Variants in SAMD3 observed in about 807,000 individuals in gnomAD.
SAMD3 encodes sterile alpha motif domain containing 3.
A neutral mutation model predicts 58.5 loss-of-function variants in SAMD3; 63 were observed. That is an observed-to-expected ratio of 1.08 (90% confidence interval 0.88 to 1.33). The LOEUF (loss-of-function observed/expected upper bound fraction) is 1.33. Among genes scored for constraint, SAMD3 ranks in the 40% most tolerant of loss-of-function variants. The probability of loss-of-function intolerance (pLI) is 0.00; values close to 1 mark genes in which losing one functional copy is unlikely to be tolerated. For missense variants in SAMD3, 604 were observed against 608.4 expected, an observed-to-expected ratio of 0.99 and a Z score of 0.08; for synonymous variants, 220 against 210.3, an observed-to-expected ratio of 1.05 and a Z score of -0.40.
rs2114846569 is a variant in SAMD3 at position 130,214,409 on chromosome 6, T to C, written c.197A>G (p.Asn66Ser). 1 of 1,613,252 alleles carries C rather than the reference T, an allele frequency of 6.2e-7. No individual in the cohort carries two copies. ...TTCTGGGGACTTCAGTCCTTGAGTG[T>C]TCTGCTTGTATTTTTTAATTAAATC... ...LMDLIKKYKQ[N>S]TQGLKSPENP... Residue 66 changes from asparagine to serine, a missense_variant, in exon 4 of 12, where the codon AAC (asparagine) becomes AGC (serine). Coordinates refer to ENST00000439090, the MANE Select transcript of SAMD3 (RefSeq NM_001017373.4).
At chr6:130,327,614 G>A (rs1419560187) in intron 1 of SAMD3, among the ~76,000 whole-genome samples, 1 of 152,126 alleles carries the variant, frequency 6.6e-6, no homozygotes, top group Non-Finnish European at 1.5e-5. Flanking sequence ...GGTCAACTTG[G>A]CATGAAGCCT....
intron 9 of SAMD3, among the ~76,000 whole-genome samples, chr6:130,152,406 G>C (rs1789297984): frequency 1.3e-5 from 2 of 152,168 alleles, no homozygotes; most frequent in Non-Finnish European, 2.9e-5. Context: ...GTCGGGCACG[G>C]TGGCTCACAG....
chr6:130,196,476 C>T (rs1794127728), intron 5 of SAMD3, among the ~76,000 whole-genome samples: 1 of 152,160 alleles, frequency 6.6e-6, no homozygotes. Context: ...TTTCCTTCTT[C>T]CCTGTTTCTC....
intron 2 of SAMD3, among the ~76,000 whole-genome samples, chr6:130,255,162 A>G (rs1251875724): frequency 6.6e-6 from 1 of 152,212 alleles, no homozygotes; most frequent in Non-Finnish European, 1.5e-5. Flanking sequence ...AGAAAATGGT[A>G]CTTTATATGA....
At position 130,294,568 on chromosome 6, in the gene SAMD3, T is replaced by C. The variant is rs140574902; in HGVS notation, c.-188+18410A>G. Among the ~76,000 whole-genome samples the C allele has an allele frequency of 7.7e-3, 1,176 of 152,262 alleles. 15 individuals are homozygous for C. The highest frequency in any genetic ancestry group is 0.023 in the African/African-American group (954 of 41,570). On this transcript the variant is annotated intron_variant, in intron 2 of 13. Coordinates refer to the SAMD3 transcript ENST00000368134. ...CTGAAAAAGATCTTAATCATTAGCA[T>C]GACATATTTATTAATGTTTCTAATT... is the stretch of plus-strand genomic sequence containing the variant.
chr6:130,234,536 A>G (rs1458308987), intron 2 of SAMD3, among the ~76,000 whole-genome samples: 1 of 152,152 alleles, frequency 6.6e-6, no homozygotes, highest in Non-Finnish European at 1.5e-5. Flanking sequence ...TCATAAAACA[A>G]TTATCATAAT....
At chr6:130,266,277 T>G (rs1774352725) in intron 2 of SAMD3, among the ~76,000 whole-genome samples, 1 of 152,190 alleles carries the variant, frequency 6.6e-6, no homozygotes, top group Non-Finnish European at 1.5e-5. Flanking sequence ...TAGCTGAGCA[T>G]GTAGCCCAGT....
intron 2 of SAMD3, among the ~76,000 whole-genome samples, chr6:130,290,322 T>C (rs1256263419): frequency 6.6e-6 from 1 of 152,170 alleles, no homozygotes; most frequent in East Asian, 1.9e-4. Flanking sequence ...GCTGGAAATT[T>C]AGGCAGGATT....
chr6:130,345,984 A>G (rs1305746431), intron 1 of SAMD3, among the ~76,000 whole-genome samples: 1 of 152,326 alleles, frequency 6.6e-6, no homozygotes, highest in East Asian at 1.9e-4. Flanking sequence ...AAAGCACACT[A>G]GGTTGTTATG....
At chr6:130,254,150 G>T (rs901613463) in intron 2 of SAMD3, among the ~76,000 whole-genome samples, 98 of 149,254 alleles carry the variant, frequency 6.6e-4, no homozygotes, top group African/African-American at 2.3e-3. Flanking sequence ...GTGCCACTAC[G>T]CTCAGCTAAC....
chr6:130,318,576 AC>A (rs200048959), intron 1 of SAMD3, among the ~76,000 whole-genome samples: 2,930 of 152,122 alleles, frequency 0.019, 88 homozygotes, highest in African/African-American at 0.066. Flanking sequence ...TTACAGGCAC[AC>A]GCCACCATGC....
At chr6:130,282,136 G>T (rs372148051) in intron 2 of SAMD3, among the ~76,000 whole-genome samples, 4 of 133,670 alleles carry the variant, frequency 3.0e-5, no homozygotes, top group African/African-American at 8.2e-5. Context: ...ACACACACAC[G>T]CACACACACA....
At chr6:130,190,287 C>A (rs1359756315) in intron 5 of SAMD3, among the ~76,000 whole-genome samples, 3 of 148,424 alleles carry the variant, frequency 2.0e-5, no homozygotes, top group Non-Finnish European at 4.4e-5. Flanking sequence ...CTGTAACATT[C>A]ATATTTAATC....
At chr6:130,349,184 C>T (rs951654128) in intron 1 of SAMD3, among the ~76,000 whole-genome samples, 4 of 152,062 alleles carry the variant, frequency 2.6e-5, no homozygotes, top group Non-Finnish European at 5.9e-5. Flanking sequence ...GAAGCAAGAG[C>T]AAACACATTC....
upstream of SAMD3, chr6:130,365,702 G>C (rs1339375121): frequency 5.1e-6 from 5 of 985,388 alleles, no homozygotes; most frequent in African/African-American, 7.0e-5. Flanking sequence ...CTTCCAGCCC[G>C]GGAAGAGCGC....
intron 9 of SAMD3, 106 bp from the exon 10 acceptor site, chr6:130,146,287 A>C (rs899747136): frequency 1.7e-6 from 1 of 579,158 alleles, no homozygotes; most frequent in African/African-American, 1.9e-5. Flanking sequence ...GCTGGTTTAC[A>C]CTAAGTACTC....
chr6:130,149,072 T>C (rs1247781275), intron 9 of SAMD3, among the ~76,000 whole-genome samples: 1 of 152,236 alleles, frequency 6.6e-6, no homozygotes, highest in African/African-American at 2.4e-5. Context: ...TGAATTCACA[T>C]TGATACTTTC....
chr6:130,240,186 C>A (rs769009581), intron 2 of SAMD3, among the ~76,000 whole-genome samples: 3 of 152,150 alleles, frequency 2.0e-5, no homozygotes, highest in Non-Finnish European at 4.4e-5. Flanking sequence ...CTGGCCTTAG[C>A]TCTGGAAGGT....
chr6:130,224,429 C>A (rs545323829), upstream of SAMD3, among the ~76,000 whole-genome samples: 1 of 150,450 alleles, frequency 6.6e-6, no homozygotes, highest in African/African-American at 2.5e-5. Flanking sequence ...GCCCGCCTCC[C>A]GTATCAAAAG....
Sources: gnomAD v4.1 joint callset for allele counts (sites outside exome capture counted in the v4.1 genomes callset) on GRCh38, gnomAD v4.1.1 for gene constraint, MANE v1.5 for transcripts, NCBI Gene and HGNC (gene_info 2026-07-23, HGNC 2026-07-21) for gene names.